CDX1: variants seen among roughly 807,000 people sequenced by gnomAD.
CDX1 encodes the protein homeobox protein CDX-1.
A neutral mutation model predicts 16.9 loss-of-function variants in CDX1; 9 were observed. The ratio of observed to expected loss-of-function variants is 0.53; its 90% CI spans 0.32 to 0.93. The LOEUF is 0.93. Among genes scored for constraint, CDX1 ranks in the 40% least tolerant of loss-of-function variants. The pLI is 0.04. For missense variants in CDX1, 393 were observed against 386.1 expected (o/e 1.02, Z -0.15); for synonymous variants, 179 against 179.0 (o/e 1.00, Z 0.00).
At chr5:150,169,469 G>T (rs555818790) in intron 1 of CDX1, among the ~76,000 whole-genome samples, 83 of 152,242 alleles carry the variant, frequency 5.5e-4, no homozygotes, top group African/African-American at 2.0e-3. Flanking sequence ...CGCAGAGGAT[G>T]CAGGAACCCT....
chr5:150,171,594 C>T (rs1162362615), intron 1 of CDX1, among the ~76,000 whole-genome samples: 1 of 152,230 alleles, frequency 6.6e-6, no homozygotes, highest in Non-Finnish European at 1.5e-5. Context: ...CCTCGGCCTC[C>T]CCAAGTGCTG....
chr5:150,172,968 A>T (rs1465686345), intron 1 of CDX1, among the ~76,000 whole-genome samples: 1 of 152,026 alleles, frequency 6.6e-6, no homozygotes, highest in Non-Finnish European at 1.5e-5. Context: ...TGGGATATGG[A>T]AACAACATTC....
intron 1 of CDX1, among the ~76,000 whole-genome samples, chr5:150,176,151 C>T (rs1761566184): frequency 6.6e-6 from 1 of 152,220 alleles, no homozygotes; most frequent in South Asian, 2.1e-4. Context: ...AGGCCCCTCA[C>T]CAGAAGTGCC....
intron 1 of CDX1, among the ~76,000 whole-genome samples, chr5:150,167,867 G>C (rs1175755110): frequency 1.3e-5 from 2 of 152,240 alleles, no homozygotes; most frequent in Non-Finnish European, 2.9e-5. Flanking sequence ...GGGGCAAGGG[G>C]TCTGTACCTT....
At chr5:150,183,326 G>A in intron 2 of CDX1, 148 bp from the exon 3 acceptor site, 1 of 650,556 alleles carries the variant, frequency 1.5e-6, no homozygotes, top group Non-Finnish European at 2.5e-6. Flanking sequence ...ATGAATTCAG[G>A]GTCCATGTGG....
intron 1 of CDX1, among the ~76,000 whole-genome samples, chr5:150,176,412 C>T (rs1243785855): frequency 6.6e-6 from 1 of 152,202 alleles, no homozygotes; most frequent in Non-Finnish European, 1.5e-5. Context: ...TGCCAAAAGC[C>T]CTATGCCCTT....
Position 150,167,271 on chromosome 5 carries a change from C to A in CDX1, c.395C>A (p.Pro132His), listed in dbSNP as rs1177583491. Residue 132 changes from proline to histidine, a missense_variant, in exon 1 of 3, where the codon CCC (proline) becomes CAC (histidine). Physicochemically the swap from Pro to His is moderately conservative, Grantham distance 77. Coordinates refer to ENST00000231656, the MANE Select transcript of CDX1 (RefSeq NM_001804.3). The stretch of plus-strand genomic sequence containing the variant: ...TCGCCCGGAGCGCAGAGGCCGACGC[C>A]CTACGAGTGGATGCGGCGCAGCGTG... ...PSSPGAQRPT[P>H]YEWMRRSVAA... is the part of the protein sequence containing the mutation. The A allele has an allele frequency of 7.9e-7, 1 of 1,268,956 alleles. No individual in the cohort carries two copies. The highest frequency in any genetic ancestry group is 9.9e-7 in the Non-Finnish European group (1 of 1,013,486). 78.6% of individuals were successfully genotyped at this position (1,268,956 alleles called of 1,614,324 possible). A position where few individuals can be genotyped will look rare whatever the true frequency, so the allele number is the denominator to read the frequency against.
intron 1 of CDX1, among the ~76,000 whole-genome samples, chr5:150,180,758 G>T (rs1761630546): frequency 6.6e-6 from 1 of 152,096 alleles, no homozygotes; most frequent in African/African-American, 2.4e-5. Context: ...AAGGAAACTG[G>T]TGCTTAGCCA....
chr5:150,172,515 T>TGTTTACACCCAGTCTACAGCCCAGC (rs1331395947), intron 1 of CDX1, among the ~76,000 whole-genome samples: 4 of 152,020 alleles, frequency 2.6e-5, no homozygotes, highest in Non-Finnish European at 5.9e-5. Context: ...GGCAGCACAG[T>TGTTTACACCCAGTCTACAGCCCAGC]GTTTACACCC....
intron 1 of CDX1, among the ~76,000 whole-genome samples, chr5:150,169,931 A>T (rs1761482239): frequency 6.6e-6 from 1 of 152,216 alleles, no homozygotes; most frequent in South Asian, 2.1e-4. Context: ...GCTGGGCTAG[A>T]TGTCAGAAGA....
rs1752496916 is a variant in CDX1, at chr5:150,183,493, AC to A, written c.613del (p.Arg205GlyfsTer8). The A allele has an allele frequency of 6.2e-7, 1 of 1,605,948 alleles. No individual in the cohort carries two copies. On this transcript the variant is annotated frameshift_variant, in exon 3 of 3. Coordinates refer to ENST00000231656, the MANE Select transcript of CDX1 (RefSeq NM_001804.3). LOFTEE classifies it low-confidence loss of function (END_TRUNC). ...CCACAGGTGAAGATCTGGTTCCAAA[AC>A]CGGCGGGCAAAGGAGCGCAAAGTGA... ...TERQVKIWFQ[N>X]RRAKERKVNK...
At chr5:150,176,583 G>A (rs949296176) in intron 1 of CDX1, among the ~76,000 whole-genome samples, 1 of 152,162 alleles carries the variant, frequency 6.6e-6, no homozygotes, top group Non-Finnish European at 1.5e-5. Context: ...TGGCAGGGGG[G>A]GCCAGGAGGT....
At chr5:150,167,704 A>G (rs1175187789) in intron 1 of CDX1, among the ~76,000 whole-genome samples, 1 of 152,254 alleles carries the variant, frequency 6.6e-6, no homozygotes, top group Non-Finnish European at 1.5e-5. Flanking sequence ...GCCCTAGGCA[A>G]AGGCGGCAGG....
chr5:150,183,380 A>C, intron 2 of CDX1, 94 bp from the exon 3 acceptor site: 1 of 1,149,108 alleles, frequency 8.7e-7, no homozygotes, highest in Non-Finnish European at 1.2e-6. Context: ...CCACATGGAG[A>C]AATAGGGGCT....
intron 1 of CDX1, 111 bp from the exon 2 acceptor site, chr5:150,182,657 G>A (rs1421845895): frequency 2.0e-6 from 2 of 1,018,864 alleles, no homozygotes; most frequent in East Asian, 2.7e-5. Flanking sequence ...CCACCTCAGG[G>A]TCCTACTTCA....
intron 1 of CDX1, among the ~76,000 whole-genome samples, chr5:150,182,455 C>G (rs913390489): frequency 1.3e-5 from 2 of 152,214 alleles, no homozygotes; most frequent in Non-Finnish European, 2.9e-5. Flanking sequence ...GAATAGGGCT[C>G]TGGGTCAGGA....
chr5:150,183,650 A>G lies in CDX1; in HGVS notation c.768A>G (p.Pro256=), dbSNP rs1752501022. The G allele has an allele frequency of 6.3e-7, 1 of 1,596,796 alleles. No homozygotes were observed. Among genetic ancestry groups the G allele is most frequent in the African/African-American group, 1.3e-5 (1 of 74,276 alleles). The change falls in exon 3 of 3, where the codon CCA becomes CCG. Residue 256 remains proline (P), a synonymous_variant. Transcript: ENST00000231656. ...SNTSLLATSS[P]MPVKEEFLP ...CCAGCCTCCTGGCCACCTCCTCTCC[A>G]ATGCCTGTGAAAGAGGAGTTTCTGC...
chr5:150,167,616 G>C (rs1580835712), intron 1 of CDX1, among the ~76,000 whole-genome samples: 2 of 152,218 alleles, frequency 1.3e-5, no homozygotes, highest in East Asian at 3.9e-4. Context: ...TAGAACGCAG[G>C]CTCCCAGACT....
rs538223671 is a variant in CDX1 at position 150,179,192 on chromosome 5, A to G, written c.446-3576A>G. 2.0e-5 allele frequency among the ~76,000 whole-genome samples: 3 copies of G among 152,348 alleles called. No individual in the cohort carries two copies. The East Asian group carries it at 5.8e-4, about 29-fold the overall frequency. On this transcript the variant is annotated intron_variant, in intron 1 of 2. Transcript: ENST00000231656. ...TGGGATTCCCTGGTTTCTGAGCCAC[A>G]CGGTGTGATAGCAAACATTTTGTTC...
Sources: gnomAD v4.1 joint callset for allele counts (sites outside exome capture counted in the v4.1 genomes callset) on GRCh38, gnomAD v4.1.1 for gene constraint, MANE v1.5 for transcripts, NCBI Gene and HGNC (gene_info 2026-07-23, HGNC 2026-07-21) for gene names.